The following CIMAP1D variants were observed in gnomAD, a reference collection of about 807,000 sequenced individuals.
CIMAP1D encodes CIMAP1 family member D, also known as protein CIMAP1D.
the CIMAP1D span, among the ~76,000 whole-genome samples, chr19:475,145 C>T: frequency 1.3e-5 from 2 of 152,008 alleles, no homozygotes; most frequent in East Asian, 1.9e-4. Context: ...CTGGCGGGGT[C>T]GTGGGTGGCG....
the CIMAP1D span, among the ~76,000 whole-genome samples, chr19:484,946 G>A: frequency 6.6e-6 from 1 of 152,168 alleles, no homozygotes. Flanking sequence ...AAGCCCGGGG[G>A]AGGCGAGCAC....
chr19:489,930 C>T, the CIMAP1D span: 1 of 397,470 alleles, frequency 2.5e-6, no homozygotes, highest in South Asian at 1.3e-4. Context: ...CGAACACCCA[C>T]ATTTGGCCCC....
At chr19:478,780 C>G in the CIMAP1D span, among the ~76,000 whole-genome samples, 1 of 152,254 alleles carries the variant, frequency 6.6e-6, no homozygotes, top group African/African-American at 2.4e-5. Flanking sequence ...CGGCTGCAGG[C>G]GAGGGACGTC....
the CIMAP1D span, chr19:467,786 TGA>T: frequency 2.1e-6 from 3 of 1,460,284 alleles, no homozygotes; most frequent in Non-Finnish European, 2.8e-6. Flanking sequence ...CCCAGAGTGC[TGA>T]GAGTGATTCT....
the CIMAP1D span, chr19:464,242 C>A: frequency 6.5e-7 from 1 of 1,530,664 alleles, no homozygotes; most frequent in Non-Finnish European, 8.8e-7. Context: ...GGGGCAGGGG[C>A]TGAGGTGTCC....
chr19:467,711 A>C, the CIMAP1D span: 23 of 1,611,574 alleles, frequency 1.4e-5, no homozygotes, highest in Non-Finnish European at 1.9e-5. Context: ...AAAGCGTGTG[A>C]CTTTGGGGTC....
chr19:475,705 T>C, the CIMAP1D span, among the ~76,000 whole-genome samples: 3 of 152,066 alleles, frequency 2.0e-5, no homozygotes, highest in African/African-American at 7.2e-5. Flanking sequence ...CTCAGAAAAC[T>C]GCCAGATGAG....
chr19:463,754 C>T, the CIMAP1D span: 5 of 1,505,652 alleles, frequency 3.3e-6, no homozygotes, highest in Admixed American at 4.5e-5. Context: ...CCTTTCCCAG[C>T]CCCTCTCGCC....
chr19:477,845 C>T, the CIMAP1D span, among the ~76,000 whole-genome samples: 2 of 152,268 alleles, frequency 1.3e-5, no homozygotes, highest in Admixed American at 6.5e-5. Context: ...TGCACGGCCT[C>T]GTCTCCACCT....
chr19:470,207 CTT>C, the CIMAP1D span, among the ~76,000 whole-genome samples: 4,208 of 116,000 alleles, frequency 0.036, 155 homozygotes, highest in African/African-American at 0.11. Flanking sequence ...AGGCTAAGTT[CTT>C]TTTTTTTTTT....
chr19:479,642 A>G, the CIMAP1D span, among the ~76,000 whole-genome samples: 4 of 151,872 alleles, frequency 2.6e-5, no homozygotes, highest in Non-Finnish European at 4.4e-5. Flanking sequence ...TGACCTCGTG[A>G]TCCGCCTGCC....
chr19:488,391 A>G, the CIMAP1D span, among the ~76,000 whole-genome samples: 15,951 of 151,842 alleles, frequency 0.11, 1,425 homozygotes, highest in East Asian at 0.41. Flanking sequence ...GCGTGGTGGC[A>G]GGCGCCTGTA....
chr19:472,178 C>G, the CIMAP1D span, among the ~76,000 whole-genome samples: 1 of 152,342 alleles, frequency 6.6e-6, no homozygotes, highest in Middle Eastern at 3.4e-3. Context: ...CTTTCTCCTT[C>G]CATTCTCATT....
At chr19:480,328 G>A in the CIMAP1D span, among the ~76,000 whole-genome samples, 4 of 152,216 alleles carry the variant, frequency 2.6e-5, no homozygotes, top group Admixed American at 2.0e-4. Context: ...GAGCAGGGAC[G>A]CGTCCCAATC....
chr19:476,720 G>A, the CIMAP1D span, among the ~76,000 whole-genome samples: 1 of 152,122 alleles, frequency 6.6e-6, no homozygotes, highest in South Asian at 2.1e-4. Flanking sequence ...CCAACAATAC[G>A]ATATCCAGGA....
At chr19:481,625 A>AGGATGATTG in the CIMAP1D span, among the ~76,000 whole-genome samples, 1 of 150,752 alleles carries the variant, frequency 6.6e-6, no homozygotes, top group African/African-American at 2.4e-5. Context: ...ATGACCGAGA[A>AGGATGATTG]GGATGATTGG....
chr19:471,230 CA>C, the CIMAP1D span, among the ~76,000 whole-genome samples: 5 of 152,046 alleles, frequency 3.3e-5, no homozygotes, highest in Admixed American at 6.5e-5. Context: ...CTCACTGCAG[CA>C]TCTGCCTCCC....
the CIMAP1D span, among the ~76,000 whole-genome samples, chr19:465,151 GT>G: frequency 6.9e-6 from 1 of 145,890 alleles, no homozygotes. Context: ...GGATGGGTGG[GT>G]GGGTGGATGG....
the CIMAP1D span, among the ~76,000 whole-genome samples, chr19:490,989 C>A: frequency 6.6e-6 from 1 of 152,136 alleles, no homozygotes; most frequent in East Asian, 1.9e-4. Context: ...GTCCCAGCTA[C>A]TCCGGAGTCT....
Sources: allele counts gnomAD v4.1 joint callset (sites outside exome capture counted in the v4.1 genomes callset), GRCh38; gene constraint gnomAD v4.1.1; transcripts MANE v1.5; gene names NCBI Gene and HGNC (gene_info 2026-07-23, HGNC 2026-07-21).